Variants in HPSE2 observed in about 807,000 individuals in gnomAD.
The protein encoded by HPSE2 is heparanase 2 (inactive).
HPSE2 carries 38 observed loss-of-function variants against 60.5 expected under a neutral mutation model. The observed-to-expected ratio is 0.63, with a 90% confidence interval of 0.48 to 0.82. The LOEUF (loss-of-function observed/expected upper bound fraction) is 0.82. Among genes scored for constraint, HPSE2 ranks in the 40% least tolerant of loss-of-function variants. HPSE2 has a pLI of 0.00. For synonymous variants in HPSE2, 295 were observed against 293.2 expected (o/e 1.01, Z -0.06); for missense variants, 713 against 740.4 (o/e 0.96, Z 0.43).
intron 9 of HPSE2, among the ~76,000 whole-genome samples, chr10:98,610,068 C>T (rs1162244618): frequency 2.0e-5 from 3 of 152,058 alleles, no homozygotes; most frequent in African/African-American, 7.2e-5. Flanking sequence ...GTCTCAATCC[C>T]CTGACCTCGT....
At chr10:99,028,919 A>C (rs1235591781) in intron 3 of HPSE2, among the ~76,000 whole-genome samples, 1 of 152,234 alleles carries the variant, frequency 6.6e-6, no homozygotes. Context: ...TGCTGAGAAA[A>C]GTGAATGTCC....
chr10:98,684,912 T>C (rs949942874), intron 6 of HPSE2, among the ~76,000 whole-genome samples: 7 of 132,974 alleles, frequency 5.3e-5, no homozygotes, highest in Non-Finnish European at 9.6e-5. Context: ...CAAAATTATT[T>C]CCCATTTATG....
chr10:99,178,992 C>T (rs953730769), intron 2 of HPSE2, among the ~76,000 whole-genome samples: 1 of 152,156 alleles, frequency 6.6e-6, no homozygotes, highest in African/African-American at 2.4e-5. Context: ...CGTAATCCAT[C>T]ACATAAACAG....
chr10:98,567,582 G>A (rs1944381554), intron 9 of HPSE2, among the ~76,000 whole-genome samples: 1 of 152,160 alleles, frequency 6.6e-6, no homozygotes, highest in South Asian at 2.1e-4. Context: ...CTGGTGTTTG[G>A]AGCAGATGGG....
In HPSE2 at chr10:98,767,671, T is replaced by C. The variant is rs1589793686; in HGVS notation, c.611-23615A>G. On this transcript the variant is annotated intron_variant, in intron 3 of 11. Coordinates refer to ENST00000370552, the MANE Select transcript of HPSE2 (RefSeq NM_021828.5). ...TTATTTTAAATATATTATTTATGTA[T>C]CTATAAATTATATCAATATTTTTAT... Among the ~76,000 whole-genome samples the C allele has an allele frequency of 2.1e-5, 3 of 145,880 alleles. No homozygotes were observed. In the South Asian group the frequency reaches 6.4e-4, roughly 31 times the overall value.
rs144012252 is a variant in HPSE2 at position 98,930,937 on chromosome 10, T to C, written c.611-186881A>G. ...ATAGGTTATCTGTTCACTCTGATGA[T>C]AGTTTCATTTGCTGTGAAGAAGCTC... On this transcript the variant is annotated intron_variant, in intron 3 of 11. Coordinates refer to ENST00000370552, the MANE Select transcript of HPSE2 (RefSeq NM_021828.5). 9.2e-4 allele frequency among the ~76,000 whole-genome samples: 133 copies of C among 144,564 alleles called. 10 individuals are homozygous for C. The highest frequency in any genetic ancestry group is 1.4e-3 in the Non-Finnish European group (97 of 67,278). 94.8% of individuals were successfully genotyped at this position (144,564 alleles called of 152,430 possible). A position where few individuals can be genotyped will look rare whatever the true frequency, so the allele number is the denominator to read the frequency against.
intron 3 of HPSE2, among the ~76,000 whole-genome samples, chr10:98,923,950 T>A (rs1171796258): frequency 6.6e-6 from 1 of 152,194 alleles, no homozygotes; most frequent in Non-Finnish European, 1.5e-5. Context: ...TCCTGAATGA[T>A]GTTGGCACTT....
intron 3 of HPSE2, among the ~76,000 whole-genome samples, chr10:98,825,084 T>A (rs937824530): frequency 6.6e-6 from 1 of 152,188 alleles, no homozygotes; most frequent in Non-Finnish European, 1.5e-5. Flanking sequence ...CACACACTAC[T>A]CAAGTATACC....
intron 2 of HPSE2, among the ~76,000 whole-genome samples, chr10:99,184,049 AT>A (rs1480322594): frequency 1.3e-5 from 2 of 152,202 alleles, no homozygotes; most frequent in East Asian, 1.9e-4. Context: ...AACAAAAAAA[AT>A]ATTTAAAGGA....
At chr10:99,175,571 A>T (rs1307965441) in intron 2 of HPSE2, among the ~76,000 whole-genome samples, 1 of 152,164 alleles carries the variant, frequency 6.6e-6, no homozygotes, top group Non-Finnish European at 1.5e-5. Context: ...GCCTCTCTAG[A>T]TTCCTCTTCT....
At chr10:99,217,132 C>G (rs1207854272) in intron 2 of HPSE2, among the ~76,000 whole-genome samples, 4 of 151,736 alleles carry the variant, frequency 2.6e-5, no homozygotes, top group Non-Finnish European at 2.9e-5. Flanking sequence ...TCCCAGCTCC[C>G]CATGTTGTTT....
intron 3 of HPSE2, among the ~76,000 whole-genome samples, chr10:98,834,274 A>G (rs7922195): frequency 0.21 from 32,372 of 152,068 alleles, 3,642 homozygotes; most frequent in African/African-American, 0.26. Context: ...CATGAAATAT[A>G]CTAATTCCAT....
At chr10:98,510,236 G>A (rs1942344885) in intron 9 of HPSE2, among the ~76,000 whole-genome samples, 1 of 151,880 alleles carries the variant, frequency 6.6e-6, no homozygotes. Context: ...CCTATAGCTG[G>A]CCAAGAGGAC....
chr10:98,746,197 G>GAAATACATTTAATTATTATTTTTAGTTCC (rs71305562), intron 3 of HPSE2, among the ~76,000 whole-genome samples: 102,345 of 146,300 alleles, frequency 0.7, 36,705 homozygotes, highest in Non-Finnish European at 0.8. Context: ...TCACATTCAG[G>GAAATACATTTAATTATTATTTTTAGTTCC]AAATACATTT....
intron 3 of HPSE2, among the ~76,000 whole-genome samples, chr10:99,001,991 A>C (rs541039560): frequency 3.4e-4 from 51 of 152,190 alleles, no homozygotes; most frequent in African/African-American, 1.2e-3. Flanking sequence ...AAGAATATAT[A>C]AGATAATAAC....
intron 3 of HPSE2, among the ~76,000 whole-genome samples, chr10:98,799,695 T>C (rs944662881): frequency 6.6e-6 from 1 of 151,208 alleles, no homozygotes; most frequent in Non-Finnish European, 1.5e-5. Context: ...AGTAAGTCCA[T>C]GAAGGAATTA....
At chr10:99,249,813 T>C in the HPSE2 span, among the ~76,000 whole-genome samples, 1 of 152,082 alleles carries the variant, frequency 6.6e-6, no homozygotes, top group African/African-American at 2.4e-5. Context: ...GCTGTTCTTG[T>C]GATAGTGGGT....
At chr10:99,010,319 CAG>C (rs1313111503) in intron 3 of HPSE2, among the ~76,000 whole-genome samples, 1 of 152,060 alleles carries the variant, frequency 6.6e-6, no homozygotes, top group Non-Finnish European at 1.5e-5. Flanking sequence ...ACCATGAAAT[CAG>C]CCTGTTTGAG....
intron 3 of HPSE2, among the ~76,000 whole-genome samples, chr10:98,968,144 T>C (rs185240838): frequency 2.4e-3 from 372 of 152,340 alleles, no homozygotes; most frequent in Admixed American, 5.9e-3. Flanking sequence ...TTCCTCACAA[T>C]GGCCACTCTT....
Sources: allele counts gnomAD v4.1 joint callset (sites outside exome capture counted in the v4.1 genomes callset), GRCh38; gene constraint gnomAD v4.1.1; transcripts MANE v1.5; gene names NCBI Gene and HGNC (gene_info 2026-07-23, HGNC 2026-07-21).